The following KSR1 variants were observed in gnomAD, a reference collection of about 807,000 sequenced individuals.
KSR1 encodes kinase suppressor of ras.
Under a neutral mutation model 92.9 loss-of-function variants are expected in KSR1, and 35 were observed. The observed-to-expected ratio is 0.38, with a 90% CI of 0.29 to 0.50. The LOEUF is 0.50. KSR1 is among the 20% of genes least tolerant of loss of function. KSR1 has a pLI of 0.94. For missense variants in KSR1, 972 were observed against 1,158.5 expected (o/e 0.84, Z 2.34); for synonymous variants, 467 against 472.6 (o/e 0.99, Z 0.15).
Position 27,588,522 on chromosome 17 carries a change from T to A in KSR1, c.1033T>A (p.Ser345Thr). The change falls in exon 6 of 21, where the codon TCG becomes ACG. Residue 345 changes from serine to threonine, a missense_variant. This residue lies in a region of KSR1 where 611 missense variants were observed against 668.0 expected (regional missense o/e 0.91). Coordinates refer to ENST00000644974, the MANE Select transcript of KSR1 (RefSeq NM_001394583.1). The stretch of plus-strand genomic sequence containing the variant: ...GATGGTACGGAGGGATATCGGGCTG[T>A]CGGTGACGCACAGGTAGGCACAGCG... ...PQMVRRDIGL[S>T]VTHRFSTKSW... 6.3e-7 allele frequency: 1 copy of A among 1,592,838 alleles called. No individual in the cohort carries two copies. Among genetic ancestry groups the A allele is most frequent in the Non-Finnish European group, 8.5e-7 (1 of 1,169,902 alleles).
chr17:27,461,294 T>G (rs1032646313), intron 1 of KSR1, among the ~76,000 whole-genome samples: 2 of 152,194 alleles, frequency 1.3e-5, no homozygotes, highest in African/African-American at 4.8e-5. Context: ...TTGGCCAGGC[T>G]GGTCTCGAAC....
At position 27,610,088 on chromosome 17, in the gene KSR1, G is replaced by C. The variant is rs2073872839; in HGVS notation, c.2247G>C (p.Leu749=). The change falls in exon 17 of 21, where the codon CTG becomes CTC. Residue 749 remains leucine, a synonymous_variant. Coordinates refer to ENST00000644974, the MANE Select transcript of KSR1 (RefSeq NM_001394583.1). Reference sequence around the variant, plus strand: ...CCAGGCGTGAGAACCAGCTAAAGCTGTCCCACGACTGGCTGTGCTATCTGG... The same window carrying C: ...CCAGGCGTGAGAACCAGCTAAAGCTCTCCCACGACTGGCTGTGCTATCTGG... ...REGRRENQLK[L]SHDWLCYLAP... 1 of 1,614,008 alleles carries C rather than the reference G, an allele frequency of 6.2e-7. No individual in the cohort carries two copies. Among genetic ancestry groups the C allele is most frequent in the African/African-American group, 1.3e-5 (1 of 75,064 alleles).
intron 2 of KSR1, among the ~76,000 whole-genome samples, chr17:27,554,578 C>T (rs2071522099): frequency 6.6e-6 from 1 of 152,250 alleles, no homozygotes; most frequent in South Asian, 2.1e-4. Context: ...TGATCTGTCA[C>T]TGTCTCCCAT....
intron 17 of KSR1, 137 bp from the exon 18 acceptor site, chr17:27,611,357 G>T: frequency 9.1e-7 from 1 of 1,098,540 alleles, no homozygotes. Context: ...GCCCACTGTA[G>T]CATCCCCTGA....
intron 2 of KSR1, among the ~76,000 whole-genome samples, chr17:27,552,412 A>G (rs2071427145): frequency 6.6e-6 from 1 of 152,208 alleles, no homozygotes; most frequent in Non-Finnish European, 1.5e-5. Flanking sequence ...TCATCATGAC[A>G]TGGTGGATGT....
rs117922455 is a variant in KSR1, at chr17:27,592,903, T to C, written c.1299+277T>C. 4.7e-4 allele frequency among the ~76,000 whole-genome samples: 71 copies of C among 152,302 alleles called. 2 individuals carry two copies. In the East Asian group the frequency reaches 0.014, roughly 29 times the overall value. On this transcript the variant is annotated intron_variant, in intron 9 of 20. Transcript: ENST00000644974. Reference sequence around the variant, plus strand: ...GAAACTTCTTCCATTGCTGTTTCATTTGAGCCCCACAATAGTTCTGAAGGG... The same window carrying C: ...GAAACTTCTTCCATTGCTGTTTCATCTGAGCCCCACAATAGTTCTGAAGGG...
chr17:27,602,845 G>A (rs748386673), intron 11 of KSR1, among the ~76,000 whole-genome samples: 16 of 152,242 alleles, frequency 1.1e-4, no homozygotes, highest in African/African-American at 2.2e-4. Context: ...GAAGGCCCAC[G>A]GCCTCTATCA....
At chr17:27,606,596 C>T (rs2073761550) in intron 14 of KSR1, among the ~76,000 whole-genome samples, 1 of 152,072 alleles carries the variant, frequency 6.6e-6, no homozygotes, top group Non-Finnish European at 1.5e-5. Flanking sequence ...TGTGTAACAA[C>T]CAGTTTTGGG....
intron 1 of KSR1, among the ~76,000 whole-genome samples, chr17:27,512,032 G>A (rs546526161): frequency 6.6e-6 from 1 of 152,192 alleles, no homozygotes; most frequent in African/African-American, 2.4e-5. Flanking sequence ...AGCTTGAGCC[G>A]ACTCTTCAGG....
intron 9 of KSR1, among the ~76,000 whole-genome samples, chr17:27,595,955 G>A (rs2073331959): frequency 6.6e-6 from 1 of 152,140 alleles, no homozygotes. Context: ...TCTGCAGTGG[G>A]GCCATGGTGG....
intron 2 of KSR1, among the ~76,000 whole-genome samples, chr17:27,575,618 T>G (rs2072475497): frequency 6.6e-6 from 1 of 152,168 alleles, no homozygotes; most frequent in Non-Finnish European, 1.5e-5. Context: ...ACAGCAGGTC[T>G]CACCCTCATT....
intron 2 of KSR1, among the ~76,000 whole-genome samples, chr17:27,567,262 TGG>T (rs2072114047): frequency 6.6e-6 from 1 of 152,066 alleles, no homozygotes; most frequent in Non-Finnish European, 1.5e-5. Flanking sequence ...GCTGGTGACG[TGG>T]GATCTGTTTC....
Position 27,456,632 on chromosome 17 carries a change from C to G in KSR1, c.-12C>G, listed in dbSNP as rs564523982. On this transcript the variant is annotated 5_prime_UTR_variant, in exon 1 of 21. Transcript: ENST00000644974. Reference sequence around the variant, plus strand: ...CTCCCAGCCTCGGCCGCCGCGGCCCCGATGCCGAGGCATGGATAGAGCAGC... The same window carrying G: ...CTCCCAGCCTCGGCCGCCGCGGCCCGGATGCCGAGGCATGGATAGAGCAGC... 9.8e-6 allele frequency: 5 copies of G among 509,272 alleles called. No homozygotes were observed. The highest frequency in any genetic ancestry group is 1.7e-5 in the Non-Finnish European group (5 of 296,012). The allele number at this position is 509,272 out of a possible 1,614,324, so 31.5% of individuals were successfully genotyped here.
chr17:27,489,573 A>G (rs1216897168), intron 1 of KSR1, among the ~76,000 whole-genome samples: 1 of 151,908 alleles, frequency 6.6e-6, no homozygotes, highest in Non-Finnish European at 1.5e-5. Context: ...TCATTCTTCC[A>G]TCCGTGTGTA....
intron 11 of KSR1, 136 bp downstream of exon 11, chr17:27,601,537 G>T: frequency 1.4e-6 from 1 of 734,160 alleles, no homozygotes; most frequent in East Asian, 2.7e-5. Context: ...AGAGCTGACT[G>T]CCCATAGAGG....
intron 4 of KSR1, among the ~76,000 whole-genome samples, chr17:27,584,590 C>T (rs1480812795): frequency 6.6e-6 from 1 of 152,210 alleles, no homozygotes; most frequent in African/African-American, 2.4e-5. Context: ...ATTAGGAAAG[C>T]TGTGGTCTCA....
At chr17:27,575,251 A>T (rs1220533788) in intron 2 of KSR1, among the ~76,000 whole-genome samples, 1 of 152,248 alleles carries the variant, frequency 6.6e-6, no homozygotes, top group African/African-American at 2.4e-5. Flanking sequence ...TCTTGACCAT[A>T]TGCTAAACTG....
intron 1 of KSR1, among the ~76,000 whole-genome samples, chr17:27,461,949 T>C (rs1295242526): frequency 6.6e-6 from 1 of 152,236 alleles, no homozygotes; most frequent in Admixed American, 6.5e-5. Flanking sequence ...CAGCAAAGCC[T>C]GTGGCCAAGT....
intron 1 of KSR1, among the ~76,000 whole-genome samples, chr17:27,530,769 G>A (rs2070503644): frequency 6.6e-6 from 1 of 152,220 alleles, no homozygotes; most frequent in African/African-American, 2.4e-5. Context: ...ATTCACAGAT[G>A]ACATTTCTGC....
Sources: gnomAD v4.1 joint callset for allele counts (sites outside exome capture counted in the v4.1 genomes callset) on GRCh38, gnomAD v4.1.1 for gene constraint, gnomAD v4.1.1 regional missense constraint, MANE v1.5 for transcripts, NCBI Gene and HGNC (gene_info 2026-07-23, HGNC 2026-07-21) for gene names.